Variants in ERBB4 observed in about 807,000 individuals in gnomAD.
The protein encoded by ERBB4 is receptor tyrosine-protein kinase erbB-4.
In ERBB4, 42 loss-of-function variants were observed where a neutral mutation model predicts 158.0. The observed-to-expected ratio is 0.27, with a 90% CI of 0.21 to 0.34. The LOEUF (loss-of-function observed/expected upper bound fraction) is 0.34. Among genes scored for constraint, ERBB4 ranks in the 10% least tolerant of loss-of-function variants. The pLI, the probability that ERBB4 is intolerant of heterozygous loss-of-function variation, is 1.00. For synonymous variants in ERBB4, 583 were observed against 558.7 expected (o/e 1.04, Z -0.61); for missense variants, 1,333 against 1,624.1 (o/e 0.82, Z 3.08).
At chr2:212,519,255 T>TA (rs553890461) in intron 1 of ERBB4, among the ~76,000 whole-genome samples, 83 of 151,994 alleles carry the variant, frequency 5.5e-4, no homozygotes, top group African/African-American at 1.7e-3. Context: ...TTTGAATGCT[T>TA]AAAAAAAATC....
At chr2:212,108,546 T>A (rs1419336203) in intron 2 of ERBB4, among the ~76,000 whole-genome samples, 3 of 152,122 alleles carry the variant, frequency 2.0e-5, no homozygotes, top group Non-Finnish European at 4.4e-5. Flanking sequence ...ACTCTCCAAG[T>A]CCCTGTTGGA....
Position 211,420,605 on chromosome 2 carries a change from C to A in ERBB4, c.2971G>T (p.Asp991Tyr). 1 of 1,606,386 alleles carries A rather than the reference C, an allele frequency of 6.2e-7. No individual in the cohort carries two copies. Among genetic ancestry groups the A allele is most frequent in the Non-Finnish European group, 8.5e-7 (1 of 1,178,624 alleles). The change falls in exon 25 of 28, where the codon GAT (aspartate) becomes TAT (tyrosine). Residue 991 changes from aspartate to tyrosine, a missense_variant. Transcript: ENST00000342788. ...PQRYLVIQGD[D>Y]RMKLPSPNDS... Reference sequence around the variant, plus strand: ...TTTGGACTGGGAAGCTTCATACGATCATCACCCTAAAAGAAAGATTGCCCA... The same window carrying A: ...TTTGGACTGGGAAGCTTCATACGATAATCACCCTAAAAGAAAGATTGCCCA...
chr2:211,441,919 T>C (rs2063987417), intron 20 of ERBB4, among the ~76,000 whole-genome samples: 1 of 152,146 alleles, frequency 6.6e-6, no homozygotes, highest in Non-Finnish European at 1.5e-5. Context: ...GTCCAAGAGG[T>C]AGCCATGGGA....
intron 20 of ERBB4, among the ~76,000 whole-genome samples, chr2:211,438,273 T>C (rs975591735): frequency 6.6e-6 from 1 of 152,184 alleles, no homozygotes; most frequent in Non-Finnish European, 1.5e-5. Flanking sequence ...AAATATTAAA[T>C]TGTGGGCCAA....
intron 19 of ERBB4, among the ~76,000 whole-genome samples, chr2:211,575,869 T>C (rs1364326202): frequency 6.6e-6 from 1 of 152,186 alleles, no homozygotes; most frequent in African/African-American, 2.4e-5. Context: ...GTAGGATAAT[T>C]TATATGTAGA....
chr2:211,611,559 C>A (rs2125833055), intron 19 of ERBB4, among the ~76,000 whole-genome samples: 1 of 151,922 alleles, frequency 6.6e-6, no homozygotes, highest in Admixed American at 6.5e-5. Flanking sequence ...GACCACGAAC[C>A]CTTCGATGAA....
At chr2:212,126,556 T>A (rs545508393) in intron 1 of ERBB4, among the ~76,000 whole-genome samples, 50 of 151,328 alleles carry the variant, frequency 3.3e-4, no homozygotes, top group African/African-American at 1.2e-3. Flanking sequence ...CAGAACACAA[T>A]CTTCACCACT....
intron 2 of ERBB4, among the ~76,000 whole-genome samples, chr2:211,994,825 A>G (rs1453479525): frequency 1.3e-5 from 2 of 152,218 alleles, no homozygotes; most frequent in Admixed American, 1.3e-4. Flanking sequence ...ATTAACAGAG[A>G]AGGCATTCTC....
At chr2:211,486,454 C>A (rs1239658526) in intron 20 of ERBB4, among the ~76,000 whole-genome samples, 1 of 152,010 alleles carries the variant, frequency 6.6e-6, no homozygotes, top group Non-Finnish European at 1.5e-5. Flanking sequence ...TGTAGAGCAA[C>A]CTATGTCGAG....
At chr2:211,418,988 A>G (rs1417508515) in intron 25 of ERBB4, among the ~76,000 whole-genome samples, 1 of 152,144 alleles carries the variant, frequency 6.6e-6, no homozygotes, top group Non-Finnish European at 1.5e-5. Flanking sequence ...GTCTCTTTCC[A>G]TATCAGATCT....
rs115802077 is a variant in ERBB4, at chr2:212,190,000, T to C, written c.83-65097A>G. Among the ~76,000 whole-genome samples the C allele has an allele frequency of 6.4e-3, 981 of 152,328 alleles. 11 individuals carry two copies. The highest frequency in any genetic ancestry group is 0.022 in the African/African-American group (933 of 41,582). On this transcript the variant is annotated intron_variant, in intron 1 of 27. Coordinates refer to ENST00000342788, the MANE Select transcript of ERBB4 (RefSeq NM_005235.3). ...TAAGGTTAATGAAAACACACCTTTT[T>C]ATAATAAAGCCTACTTTACCAGACA...
chr2:212,197,030 A>G (rs1322194104), intron 1 of ERBB4, among the ~76,000 whole-genome samples: 2 of 152,108 alleles, frequency 1.3e-5, no homozygotes, highest in African/African-American at 4.8e-5. Flanking sequence ...TTTTAAATAA[A>G]CATAGAAATT....
At chr2:211,980,452 C>T (rs1346320647) in intron 2 of ERBB4, among the ~76,000 whole-genome samples, 1 of 152,134 alleles carries the variant, frequency 6.6e-6, no homozygotes, top group Non-Finnish European at 1.5e-5. Flanking sequence ...ATTTAATCAA[C>T]ATGATTTGCA....
chr2:212,048,927 G>C (rs2077328721), intron 2 of ERBB4, among the ~76,000 whole-genome samples: 2 of 152,326 alleles, frequency 1.3e-5, no homozygotes, highest in Admixed American at 6.5e-5. Context: ...GTTGAATTCT[G>C]TCATCAACCA....
chr2:211,704,278 G>T, intron 10 of ERBB4, 84 bp from the exon 11 acceptor site: 2 of 900,188 alleles, frequency 2.2e-6, no homozygotes, highest in Non-Finnish European at 3.8e-6. Context: ...TGGTGAAAAT[G>T]TGTTGAAAGT....
chr2:212,483,033 G>C (rs952848007), intron 1 of ERBB4, among the ~76,000 whole-genome samples: 7 of 151,846 alleles, frequency 4.6e-5, no homozygotes, highest in Non-Finnish European at 1.0e-4. Flanking sequence ...TCTGCCTTGT[G>C]AGCAGATAGA....
intron 1 of ERBB4, among the ~76,000 whole-genome samples, chr2:212,330,167 G>A (rs917090441): frequency 1.3e-5 from 2 of 152,020 alleles, no homozygotes; most frequent in Non-Finnish European, 2.9e-5. Flanking sequence ...GGCCACTTAG[G>A]GCTTGCTGGA....
At chr2:211,832,431 T>C (rs2105974086) in intron 3 of ERBB4, among the ~76,000 whole-genome samples, 1 of 152,258 alleles carries the variant, frequency 6.6e-6, no homozygotes, top group South Asian at 2.1e-4. Flanking sequence ...AATGATTCTA[T>C]TTATGTATTA....
chr2:212,217,051 G>T (rs1245001193), intron 1 of ERBB4, among the ~76,000 whole-genome samples: 1 of 151,422 alleles, frequency 6.6e-6, no homozygotes, highest in African/African-American at 2.4e-5. Context: ...ACACAATAAA[G>T]AGAAAGGTAG....
Sources: gnomAD v4.1 joint callset for allele counts (sites outside exome capture counted in the v4.1 genomes callset) on GRCh38, gnomAD v4.1.1 for gene constraint, MANE v1.5 for transcripts, NCBI Gene and HGNC (gene_info 2026-07-23, HGNC 2026-07-21) for gene names.